The following RANBP2 variants were observed in gnomAD, a reference collection of about 807,000 sequenced individuals.
The protein encoded by RANBP2 is RAN binding protein 2, also known as E3 SUMO-protein ligase RanBP2.
A neutral mutation model predicts 303.6 loss-of-function variants in RANBP2; 57 were observed. The ratio of observed to expected loss-of-function variants is 0.19; its 90% CI spans 0.15 to 0.23. RANBP2 has a LOEUF of 0.23. Ranked by LOEUF, RANBP2 falls within the 10% of genes least tolerant of loss-of-function variation. The probability of loss-of-function intolerance (pLI) is 1.00; values close to 1 mark genes in which losing one functional copy is unlikely to be tolerated. For missense variants in RANBP2, 3,138 were observed against 3,780.8 expected (o/e 0.83, Z 4.46); for synonymous variants, 1,167 against 1,301.5 (o/e 0.90, Z 2.23).
chr2:109,683,331 T>A, the RANBP2 span, among the ~76,000 whole-genome samples: 2 of 152,188 alleles, frequency 1.3e-5, no homozygotes, highest in African/African-American at 4.8e-5. Context: ...TAAGAATCTG[T>A]ACACACTAGG....
At chr2:109,056,033 C>T in the RANBP2 span, among the ~76,000 whole-genome samples, 2 of 151,852 alleles carry the variant, frequency 1.3e-5, no homozygotes, top group Non-Finnish European at 2.9e-5. Flanking sequence ...GCTGGGATTA[C>T]AGGCGTGAGC....
At chr2:109,064,020 G>T in the RANBP2 span, among the ~76,000 whole-genome samples, 1 of 152,160 alleles carries the variant, frequency 6.6e-6, no homozygotes, top group Non-Finnish European at 1.5e-5. Context: ...GATTCTAGGC[G>T]TGCTGCACTG....
chr2:108,975,660 G>T, the RANBP2 span, among the ~76,000 whole-genome samples: 1 of 152,132 alleles, frequency 6.6e-6, no homozygotes, highest in Admixed American at 6.6e-5. Context: ...CAGGGGTGCG[G>T]TCTGGGAGCT....
chr2:108,753,890 C>G lies in RANBP2; in HGVS notation c.2121C>G (p.Cys707Trp). ...DALSPEEQEE[C>W]KNYLRKTRDY... ...TTTCTCCTGAAGAACAAGAAGAATG[C>G]AAAAATTATCTGAGAAAGACCAGGG... Residue 707 changes from cysteine (C) to tryptophan (W), a missense_variant, in exon 15 of 29, where the codon TGC (cysteine) becomes TGG (tryptophan). Cys to Trp is a radical substitution (Grantham distance 215). Transcript: ENST00000283195. The G allele has an allele frequency of 6.2e-7, 1 of 1,611,932 alleles. No homozygotes were observed. Among genetic ancestry groups the G allele is most frequent in the Non-Finnish European group, 8.5e-7 (1 of 1,179,844 alleles).
At chr2:109,320,129 G>A in the RANBP2 span, among the ~76,000 whole-genome samples, 1 of 152,182 alleles carries the variant, frequency 6.6e-6, no homozygotes, top group Non-Finnish European at 1.5e-5. Context: ...CTCCTGTAAA[G>A]CCTGTAGAAG....
the RANBP2 span, among the ~76,000 whole-genome samples, chr2:109,399,886 C>T: frequency 9.8e-5 from 15 of 152,326 alleles, no homozygotes; most frequent in Non-Finnish European, 1.9e-4. Flanking sequence ...CATGGGTGAG[C>T]CCAAGGTGCC....
At chr2:109,640,643 C>T in the RANBP2 span, among the ~76,000 whole-genome samples, 1 of 152,090 alleles carries the variant, frequency 6.6e-6, no homozygotes, top group South Asian at 2.1e-4. Context: ...GCAGCAGGGT[C>T]CACTGTTCTC....
chr2:109,509,414 T>C, the RANBP2 span, among the ~76,000 whole-genome samples: 4 of 152,096 alleles, frequency 2.6e-5, no homozygotes, highest in African/African-American at 7.2e-5. Context: ...AAGTCCAAGG[T>C]TGAAGTTGCA....
chr2:109,724,621 C>G, the RANBP2 span, among the ~76,000 whole-genome samples: 1 of 152,060 alleles, frequency 6.6e-6, no homozygotes, highest in Non-Finnish European at 1.5e-5. Context: ...CGCCTTGTAC[C>G]CCACCACTGA....
chr2:108,930,312 A>G, the RANBP2 span: 1 of 1,604,090 alleles, frequency 6.2e-7, no homozygotes, highest in Admixed American at 1.7e-5. Context: ...GCAAGACCCC[A>G]AGGTTGACAT....
At chr2:109,220,729 C>T in the RANBP2 span, among the ~76,000 whole-genome samples, 1 of 129,352 alleles carries the variant, frequency 7.7e-6, no homozygotes, top group South Asian at 2.4e-4. Flanking sequence ...ACCATTCCCA[C>T]CTGTTAGAAG....
At chr2:109,131,056 C>T in the RANBP2 span, among the ~76,000 whole-genome samples, 1 of 152,164 alleles carries the variant, frequency 6.6e-6, no homozygotes, top group Non-Finnish European at 1.5e-5. Context: ...GCTTTAGAAA[C>T]ACAACTTTAT....
At position 108,720,327 on chromosome 2, in the gene RANBP2, G is replaced by T. The variant is rs546350035; in HGVS notation, c.72+649G>T. Among the ~76,000 whole-genome samples, 10 of 144,930 alleles carry T rather than the reference G, an allele frequency of 6.9e-5. No individual in the cohort carries two copies. In the East Asian group the frequency reaches 1.8e-3, roughly 26 times the overall value. ...ACTCACCTCCCTCGCCCCCCTCCCC[G>T]CCCGGAACACTTTGGTAGCTGCCTT... On this transcript the variant is annotated intron_variant, in intron 1 of 28. Transcript: ENST00000283195.
At chr2:108,815,869 A>G in the RANBP2 span, 1 of 1,274,418 alleles carries the variant, frequency 7.8e-7, no homozygotes, top group South Asian at 1.4e-5. Context: ...ATTACTTAAC[A>G]AATTTAAGGT....
the RANBP2 span, among the ~76,000 whole-genome samples, chr2:108,867,626 G>A: frequency 6.6e-6 from 1 of 152,070 alleles, no homozygotes; most frequent in Admixed American, 6.5e-5. Flanking sequence ...AAGGAATGAG[G>A]GTGGACTTGA....
chr2:108,947,941 G>A, the RANBP2 span, among the ~76,000 whole-genome samples: 42 of 152,300 alleles, frequency 2.8e-4, no homozygotes, highest in Admixed American at 1.2e-3. Context: ...TAGTTAGGTT[G>A]CAAATTTTCC....
chr2:109,002,458 CCTTT>C, the RANBP2 span, among the ~76,000 whole-genome samples: 133 of 152,322 alleles, frequency 8.7e-4, no homozygotes, highest in East Asian at 0.014. Flanking sequence ...GCTGGAGTGG[CCTTT>C]CTATGATGTT....
chr2:108,773,081 C>G lies in RANBP2; in HGVS notation c.8292+35C>G, dbSNP rs147965429. On this transcript the variant is annotated intron_variant, in intron 23 of 28. Coordinates refer to ENST00000283195, the MANE Select transcript of RANBP2 (RefSeq NM_006267.5). ...TCTCTAATAAATTTTCCTTCTAGTTCCATTGCCTTTGTTGATGCAGTAAAC... is the reference window on the plus strand; with the variant it reads ...TCTCTAATAAATTTTCCTTCTAGTTGCATTGCCTTTGTTGATGCAGTAAAC... 39 of 1,572,722 alleles carry G rather than the reference C, an allele frequency of 2.5e-5. No homozygotes were observed. In the East Asian group the frequency reaches 8.2e-4, roughly 33 times the overall value.
chr2:108,871,834 C>A, the RANBP2 span, among the ~76,000 whole-genome samples: 4,023 of 152,150 alleles, frequency 0.026, 164 homozygotes, highest in African/African-American at 0.092. Flanking sequence ...CATAGTTTAT[C>A]TTTTTACCTT....
Sources: gnomAD v4.1 joint callset for allele counts (sites outside exome capture counted in the v4.1 genomes callset) on GRCh38, gnomAD v4.1.1 for gene constraint, MANE v1.5 for transcripts, NCBI Gene and HGNC (gene_info 2026-07-23, HGNC 2026-07-21) for gene names.